Variants in XKR9 observed in about 807,000 individuals in gnomAD.
XKR9 encodes the protein XK-related protein 9.
A neutral mutation model predicts 32.0 loss-of-function variants in XKR9; 32 were observed. The observed-to-expected ratio is 1.00, with a 90% confidence interval of 0.76 to 1.34. The LOEUF (loss-of-function observed/expected upper bound fraction) is 1.34. Ranked by LOEUF, XKR9 falls within the 40% of genes most tolerant of loss-of-function variation. The pLI, the probability that XKR9 is intolerant of heterozygous loss-of-function variation, is 0.00. For synonymous variants in XKR9, 168 were observed against 143.4 expected (o/e 1.17, Z -1.22); for missense variants, 546 against 429.7 (o/e 1.27, Z -2.39).
At chr8:70,870,473 G>C in the XKR9 span, among the ~76,000 whole-genome samples, 1 of 152,146 alleles carries the variant, frequency 6.6e-6, no homozygotes, top group East Asian at 1.9e-4. Context: ...CTATTCTATT[G>C]GTGGGACTTT....
At chr8:70,711,721 C>A (rs1361570336) in intron 4 of XKR9, among the ~76,000 whole-genome samples, 1 of 70,426 alleles carries the variant, frequency 1.4e-5, no homozygotes, top group East Asian at 2.5e-4. Flanking sequence ...TACCTAACCC[C>A]AGTGATACAC....
chr8:70,806,448 G>A, the XKR9 span, among the ~76,000 whole-genome samples: 126 of 152,292 alleles, frequency 8.3e-4, no homozygotes, highest in Non-Finnish European at 1.2e-3. Flanking sequence ...GGCCTGAAAA[G>A]ACAGTTGATA....
At chr8:70,839,145 A>G in the XKR9 span, among the ~76,000 whole-genome samples, 3 of 152,080 alleles carry the variant, frequency 2.0e-5, no homozygotes, top group African/African-American at 4.8e-5. Flanking sequence ...ATATTGACCA[A>G]TTTCCTTCTT....
intron 2 of XKR9, among the ~76,000 whole-genome samples, chr8:70,770,900 T>G (rs183795751): frequency 6.6e-6 from 1 of 152,320 alleles, no homozygotes; most frequent in Non-Finnish European, 1.5e-5. Flanking sequence ...TGGCCTTAGC[T>G]GCCTTTCAGG....
chr8:70,680,972 C>T lies in XKR9; in HGVS notation c.-87C>T. 1 of 1,288,398 alleles carries T rather than the reference C, an allele frequency of 7.8e-7. No individual in the cohort carries two copies. Among genetic ancestry groups the T allele is most frequent in the Non-Finnish European group, 1.1e-6 (1 of 937,140 alleles). 79.8% of individuals were successfully genotyped at this position (1,288,398 alleles called of 1,614,324 possible). On this transcript the variant is annotated 5_prime_UTR_variant, in exon 3 of 5. An upstream open reading frame in the 5' UTR gains an earlier in-frame stop. Transcript: ENST00000408926. ...TAGAAATTAAAATTCAATGCTATACCAAAGGGTATACTAATATTTGTTTGG... is the reference window on the plus strand; with the variant it reads ...TAGAAATTAAAATTCAATGCTATACTAAAGGGTATACTAATATTTGTTTGG...
the XKR9 span, among the ~76,000 whole-genome samples, chr8:71,050,813 T>A: frequency 6.6e-6 from 1 of 152,192 alleles, no homozygotes; most frequent in Non-Finnish European, 1.5e-5. Flanking sequence ...AGCTAGAATT[T>A]CATCATCCTT....
chr8:70,910,235 G>C, the XKR9 span, among the ~76,000 whole-genome samples: 4 of 152,086 alleles, frequency 2.6e-5, no homozygotes, highest in Non-Finnish European at 5.9e-5. Flanking sequence ...TCCAGCTCCA[G>C]GCCTTCTTCT....
intron 1 of XKR9, among the ~76,000 whole-genome samples, chr8:70,674,050 C>A (rs1183823012): frequency 2.0e-5 from 3 of 151,876 alleles, no homozygotes; most frequent in Non-Finnish European, 4.4e-5. Flanking sequence ...AGCCTGTAAT[C>A]CTAGCACTGT....
intron 2 of XKR9, among the ~76,000 whole-genome samples, chr8:70,784,569 T>A (rs1355386544): frequency 6.6e-6 from 1 of 151,958 alleles, no homozygotes; most frequent in Non-Finnish European, 1.5e-5. Flanking sequence ...CTGTATTTAT[T>A]AGTTCTGGCA....
downstream of XKR9, among the ~76,000 whole-genome samples, chr8:70,740,382 A>C (rs1418393231): frequency 6.6e-6 from 1 of 151,936 alleles, no homozygotes; most frequent in Non-Finnish European, 1.5e-5. Flanking sequence ...AATTTTTTTC[A>C]AAGTTTTTAA....
intron 4 of XKR9, among the ~76,000 whole-genome samples, chr8:70,732,112 A>T (rs1396809601): frequency 1.3e-5 from 2 of 152,120 alleles, no homozygotes; most frequent in Non-Finnish European, 2.9e-5. Context: ...AAGACCCCCG[A>T]AGGAGCTGAA....
chr8:70,807,396 C>T, the XKR9 span, among the ~76,000 whole-genome samples: 1 of 152,140 alleles, frequency 6.6e-6, no homozygotes, highest in African/African-American at 2.4e-5. Flanking sequence ...ATGATGGGAT[C>T]AAATTCACTC....
chr8:70,686,441 G>A (rs1819282066), intron 3 of XKR9, among the ~76,000 whole-genome samples: 1 of 150,948 alleles, frequency 6.6e-6, no homozygotes, highest in Admixed American at 6.6e-5. Context: ...ATTTGGTAGA[G>A]ACAGAGTTCT....
chr8:70,775,693 G>A (rs1336403553), intron 2 of XKR9, among the ~76,000 whole-genome samples: 2 of 151,526 alleles, frequency 1.3e-5, no homozygotes, highest in Non-Finnish European at 2.9e-5. Flanking sequence ...GGATTTAATT[G>A]GCTTGCACTT....
chr8:70,819,389 T>C, the XKR9 span, among the ~76,000 whole-genome samples: 1 of 152,244 alleles, frequency 6.6e-6, no homozygotes, highest in Non-Finnish European at 1.5e-5. Context: ...TTCCAGCATG[T>C]TACTAACATA....
chr8:71,020,023 A>C, the XKR9 span, among the ~76,000 whole-genome samples: 1 of 152,214 alleles, frequency 6.6e-6, no homozygotes, highest in Non-Finnish European at 1.5e-5. Context: ...CAGTCAACTC[A>C]GAGGGCATTC....
At chr8:70,796,455 GA>G in the XKR9 span, among the ~76,000 whole-genome samples, 1 of 151,892 alleles carries the variant, frequency 6.6e-6, no homozygotes, top group African/African-American at 2.4e-5. Context: ...TTAGTAATTT[GA>G]GTCTTCTTTC....
At chr8:70,723,261 G>T (rs1244996620) in intron 4 of XKR9, among the ~76,000 whole-genome samples, 4 of 152,176 alleles carry the variant, frequency 2.6e-5, no homozygotes, top group Admixed American at 2.6e-4. Flanking sequence ...TTAGCTCAGA[G>T]GAGTTTATTG....
At chr8:71,022,304 G>A in the XKR9 span, among the ~76,000 whole-genome samples, 2 of 152,136 alleles carry the variant, frequency 1.3e-5, no homozygotes, top group South Asian at 4.1e-4. Context: ...ATTTCTTGTA[G>A]GGCCAGTCTA....
Sources: gnomAD v4.1 joint callset for allele counts (sites outside exome capture counted in the v4.1 genomes callset) on GRCh38, gnomAD v4.1.1 for gene constraint, MANE v1.5 for transcripts, NCBI Gene and HGNC (gene_info 2026-07-23, HGNC 2026-07-21) for gene names.